NPC1: variants seen among roughly 807,000 people sequenced by gnomAD.
NPC1 encodes NPC intracellular cholesterol transporter 1, also known as Niemann-Pick C1 protein.
A neutral mutation model predicts 140.4 loss-of-function variants in NPC1; 85 were observed. The ratio of observed to expected loss-of-function variants is 0.61; its 90% CI spans 0.51 to 0.72. NPC1 has a LOEUF of 0.72. NPC1 is among the 30% of genes least tolerant of loss of function. NPC1 has a pLI of 0.00. For missense variants in NPC1, 1,504 were observed against 1,623.8 expected (o/e 0.93, Z 1.27); for synonymous variants, 656 against 624.8 (o/e 1.05, Z -0.74).
intron 20 of NPC1, among the ~76,000 whole-genome samples, chr18:23,538,117 G>A (rs1288497418): frequency 1.3e-5 from 2 of 152,182 alleles, no homozygotes; most frequent in Non-Finnish European, 2.9e-5. Context: ...GGAGCATGAC[G>A]AGGCTAAAAG....
downstream of NPC1, among the ~76,000 whole-genome samples, chr18:23,517,561 C>G (rs543181737): frequency 3.3e-5 from 5 of 152,330 alleles, no homozygotes; most frequent in South Asian, 1.0e-3. Flanking sequence ...ATGCCTGTAT[C>G]TGATTCGACA....
At chr18:23,556,812 A>G (rs1598977785) in intron 7 of NPC1, 199 bp from the exon 8 acceptor site, 1 of 818,944 alleles carries the variant, frequency 1.2e-6, no homozygotes. Context: ...CGCTATTCCC[A>G]CCCCACAGAG....
intron 24 of NPC1, 144 bp from the exon 25 acceptor site, chr18:23,532,428 C>A: frequency 1.2e-6 from 1 of 866,234 alleles, no homozygotes; most frequent in Non-Finnish European, 1.9e-6. Context: ...AGAGTGAGAC[C>A]ACATCTCTCT....
At chr18:23,550,483 T>C (rs1365195651) in intron 10 of NPC1, among the ~76,000 whole-genome samples, 1 of 99,432 alleles carries the variant, frequency 1.0e-5, no homozygotes, top group Non-Finnish European at 1.9e-5. Context: ...ACATTTCTTT[T>C]TTTTTTTTTT....
chr18:23,534,347 GA>G, intron 23 of NPC1, 98 bp downstream of exon 23: 1 of 834,690 alleles, frequency 1.2e-6, no homozygotes, highest in Middle Eastern at 2.7e-4. Flanking sequence ...GCAATCCTTA[GA>G]AGCTGCTTTG....
intron 11 of NPC1, 92 bp from the exon 12 acceptor site, chr18:23,545,241 G>A (rs1039149973): frequency 3.1e-6 from 3 of 980,478 alleles, no homozygotes; most frequent in Non-Finnish European, 3.2e-6. Context: ...CAAAGGCCAC[G>A]TTTTCTTTTT....
At chr18:23,533,875 C>T (rs566370293) in intron 23 of NPC1, 1 of 358,498 alleles carries the variant, frequency 2.8e-6, no homozygotes, top group South Asian at 2.4e-5. Flanking sequence ...TCATCTACTA[C>T]CTAACACTAT....
intron 3 of NPC1, chr18:23,516,277 G>A (rs753591927): frequency 6.3e-7 from 1 of 1,585,194 alleles, no homozygotes; most frequent in Non-Finnish European, 8.7e-7. Context: ...AAACATTGAA[G>A]GGGTTTAATA....
rs939959817 is a variant in NPC1, at chr18:23,531,892, CAG to C, written c.*308_*309del. 2 of 1,420,210 alleles carry C rather than the reference CAG, an allele frequency of 1.4e-6. No homozygotes were observed. The highest frequency in any genetic ancestry group is 1.8e-6 in the Non-Finnish European group (2 of 1,086,198). The allele number at this position is 1,420,210 out of a possible 1,614,324, so 88.0% of individuals were successfully genotyped here. A position where few individuals can be genotyped will look rare whatever the true frequency, so the allele number is the denominator to read the frequency against. ...CAGACAGTGCATTGATTGGCCTTTA[CAG>C]AGTGTCAGTGAGCGGATCACATTCA... On this transcript the variant is annotated 3_prime_UTR_variant, in exon 25 of 25. Transcript: ENST00000269228.
chr18:23,578,920 G>A (rs144231720), intron 1 of NPC1, among the ~76,000 whole-genome samples: 47 of 152,324 alleles, frequency 3.1e-4, no homozygotes, highest in African/African-American at 1.1e-3. Flanking sequence ...GCCCTCACTC[G>A]GACCCGGCAG....
intron 1 of NPC1, among the ~76,000 whole-genome samples, chr18:23,579,341 T>C (rs1296023930): frequency 6.6e-6 from 1 of 152,222 alleles, no homozygotes; most frequent in African/African-American, 2.4e-5. Context: ...CATCTGGTGT[T>C]CATGGATGCA....
downstream of NPC1, chr18:23,529,850 A>G: frequency 9.5e-7 from 1 of 1,048,400 alleles, no homozygotes; most frequent in Non-Finnish European, 1.4e-6. Flanking sequence ...TCCTGACATT[A>G]TTAGTTGGAA....
chr18:23,581,501 C>T (rs1321053166), intron 1 of NPC1, among the ~76,000 whole-genome samples: 2 of 152,270 alleles, frequency 1.3e-5, no homozygotes, highest in Admixed American at 6.5e-5. Flanking sequence ...CCCTTGATGT[C>T]TGCATCTATA....
rs1396964845 is a variant in NPC1 at position 23,560,346 on chromosome 18, G to A, written c.766C>T (p.Pro256Ser). ...CCAAGGATCGTCCAGGGAGCAGGAG[G>A]AGGTGGGGGCTGGGGCTTGGGGCCA... ...VCGPKPQPPP[P>S]PAPWTILGLD... Residue 256 changes from proline (P) to serine (S), a missense_variant, in exon 6 of 25, where the codon CCT becomes TCT. Transcript: ENST00000269228. 3 of 1,614,246 alleles carry A rather than the reference G, an allele frequency of 1.9e-6. No homozygotes were observed. Among genetic ancestry groups the A allele is most frequent in the South Asian group, 2.2e-5 (2 of 91,084 alleles).
chr18:23,534,325 G>T lies in NPC1; in HGVS notation c.3591+121C>A. ...CGATGTGGCAGCTAATTCATGAATT[G>T]CCTGAAAGCTTGCAATCCTTAGAAG... On this transcript the variant is annotated intron_variant, in intron 23 of 24. Coordinates refer to ENST00000269228, the MANE Select transcript of NPC1 (RefSeq NM_000271.5). 2.7e-6 allele frequency: 2 copies of T among 738,582 alleles called. No homozygotes were observed. The highest frequency in any genetic ancestry group is 2.9e-5 in the South Asian group (2 of 68,200). The allele number at this position is 738,582 out of a possible 1,614,324, so 45.8% of individuals were successfully genotyped here.
chr18:23,571,669 T>G (rs1048575532), intron 3 of NPC1, among the ~76,000 whole-genome samples: 26 of 131,764 alleles, frequency 2.0e-4, no homozygotes, highest in South Asian at 7.3e-4. Context: ...AAAAAAAAAA[T>G]AAAGAAAAAC....
rs753273064 is a variant in NPC1 at position 23,557,222 on chromosome 18, T to C, written c.882-32A>G. 6 of 1,533,590 alleles carry C rather than the reference T, an allele frequency of 3.9e-6. No individual in the cohort carries two copies. In the Middle Eastern group the frequency reaches 5.1e-4, roughly 129 times the overall value. 95.0% of individuals were successfully genotyped at this position (1,533,590 alleles called of 1,614,324 possible). A position where few individuals can be genotyped will look rare whatever the true frequency, so the allele number is the denominator to read the frequency against. On this transcript the variant is annotated intron_variant, in intron 6 of 24. Coordinates refer to ENST00000269228, the MANE Select transcript of NPC1 (RefSeq NM_000271.5). ...AACAGAAGTGAAGAAATAGCATTAG[T>C]GGACTTCATCACAGTGAGGTTGTTT...
In NPC1 at chr18:23,572,184, T is replaced by G. The variant is rs374571310; in HGVS notation, c.181-4A>C. The G allele has an allele frequency of 6.1e-5, 98 of 1,609,476 alleles. No homozygotes were observed. The highest frequency in any genetic ancestry group is 7.9e-5 in the Non-Finnish European group (93 of 1,176,342). On this transcript the variant is annotated splice_region_variant and splice_polypyrimidine_tract_variant and intron_variant, in intron 2 of 24. Transcript: ENST00000269228. ...AGAAGAATCCTGGACAGAGTTCCTT[T>G]CAGGTGAAAGAGCACAGACACGGGA...
intron 4 of NPC1, among the ~76,000 whole-genome samples, chr18:23,562,296 C>CAA (rs11294706): frequency 4.9e-4 from 65 of 132,622 alleles, no homozygotes; most frequent in African/African-American, 1.5e-3. Flanking sequence ...CACAAAAAAA[C>CAA]AAAAAAAAAA....
Sources: gnomAD v4.1 joint callset for allele counts (sites outside exome capture counted in the v4.1 genomes callset) on GRCh38, gnomAD v4.1.1 for gene constraint, MANE v1.5 for transcripts, NCBI Gene and HGNC (gene_info 2026-07-23, HGNC 2026-07-21) for gene names.